The following ZDHHC21 variants were observed in gnomAD, a reference collection of about 807,000 sequenced individuals.
The protein encoded by ZDHHC21 is zDHHC palmitoyltransferase 21, also known as palmitoyltransferase ZDHHC21.
In ZDHHC21, 15 loss-of-function variants were observed where a neutral mutation model predicts 34.6. That is an observed-to-expected ratio of 0.43 (90% CI 0.29 to 0.67). The LOEUF is 0.67. Ranked by LOEUF, ZDHHC21 falls within the 30% of genes least tolerant of loss-of-function variation. ZDHHC21 has a pLI of 0.14. For missense variants in ZDHHC21, 344 were observed against 327.7 expected, an observed-to-expected ratio of 1.05 and a Z score of -0.38; for synonymous variants, 142 against 101.8, an observed-to-expected ratio of 1.40 and a Z score of -2.38.
chr9:14,651,820 A>G (rs539448282), intron 7 of ZDHHC21, among the ~76,000 whole-genome samples: 1 of 151,932 alleles, frequency 6.6e-6, no homozygotes, highest in African/African-American at 2.4e-5. Flanking sequence ...TAAAGTAACT[A>G]TGTGAAATAG....
chr9:14,624,123 T>G (rs546505345), intron 8 of ZDHHC21, among the ~76,000 whole-genome samples: 19 of 151,928 alleles, frequency 1.3e-4, no homozygotes, highest in Non-Finnish European at 2.2e-4. Context: ...ATAATATGAA[T>G]TAAAATAATA....
intron 8 of ZDHHC21, among the ~76,000 whole-genome samples, chr9:14,635,386 TAATC>T: frequency 6.6e-6 from 1 of 152,144 alleles, no homozygotes. Flanking sequence ...TGGCACATCA[TAATC>T]AAACTATCAA....
At position 14,660,135 on chromosome 9, in the gene ZDHHC21, G is replaced by C. The variant is rs936035856; in HGVS notation, c.366-1248C>G. Among the ~76,000 whole-genome samples, 2 of 152,188 alleles carry C rather than the reference G, an allele frequency of 1.3e-5. 1 individual carries two copies. Among genetic ancestry groups the C allele is most frequent in the Admixed American group, 1.3e-4 (2 of 15,290 alleles). ...AATCCCAGAACTTTGGGAGGCCGAG[G>C]GGAGCAGATCACCTGAGGTTGGGAG... On this transcript the variant is annotated intron_variant, in intron 6 of 9. Coordinates refer to ENST00000380916, the MANE Select transcript of ZDHHC21 (RefSeq NM_178566.6).
At chr9:14,681,038 A>C (rs1837285288) in intron 2 of ZDHHC21, among the ~76,000 whole-genome samples, 1 of 152,198 alleles carries the variant, frequency 6.6e-6, no homozygotes, top group Non-Finnish European at 1.5e-5. Context: ...AATCTGAGTA[A>C]ACTGAAATAA....
At chr9:14,591,711 T>G in the ZDHHC21 span, among the ~76,000 whole-genome samples, 2 of 152,068 alleles carry the variant, frequency 1.3e-5, no homozygotes, top group African/African-American at 2.4e-5. Flanking sequence ...TCATGAAAAC[T>G]ACAAGAAAAA....
At chr9:14,621,784 A>T (rs1398304050) in intron 8 of ZDHHC21, among the ~76,000 whole-genome samples, 3 of 152,248 alleles carry the variant, frequency 2.0e-5, no homozygotes, top group Admixed American at 1.3e-4. Context: ...CAGAAACAGC[A>T]AACTAGAAGA....
intron 8 of ZDHHC21, among the ~76,000 whole-genome samples, chr9:14,626,434 A>G (rs1826214451): frequency 6.6e-6 from 1 of 152,000 alleles, no homozygotes; most frequent in East Asian, 1.9e-4. Context: ...CATCTATTTA[A>G]TCACTCAAGC....
chr9:14,626,677 T>G (rs1826279803), intron 8 of ZDHHC21, among the ~76,000 whole-genome samples: 1 of 151,918 alleles, frequency 6.6e-6, no homozygotes, highest in African/African-American at 2.4e-5. Context: ...CATGTAAATA[T>G]GAAATATAAC....
At chr9:14,654,982 G>A (rs928730073) in intron 7 of ZDHHC21, among the ~76,000 whole-genome samples, 6 of 151,912 alleles carry the variant, frequency 3.9e-5, no homozygotes, top group African/African-American at 1.4e-4. Flanking sequence ...ACTTAAGAAT[G>A]ACATCAGGCC....
chr9:14,680,606 AAACAT>A lies in ZDHHC21; in HGVS notation c.-175-449_-175-445del, dbSNP rs751391283. Among the ~76,000 whole-genome samples the A allele has an allele frequency of 9.3e-4, 129 of 138,680 alleles. 1 individual carries two copies. Among genetic ancestry groups the A allele is most frequent in the Non-Finnish European group, 1.7e-3 (101 of 61,014 alleles). The allele number at this position is 138,680 out of a possible 152,430, so 91.0% of individuals were successfully genotyped here. On this transcript the variant is annotated intron_variant, in intron 2 of 9. Coordinates refer to ENST00000380916, the MANE Select transcript of ZDHHC21 (RefSeq NM_178566.6). ...CTGTAATGAAGCCATTAAGAGAGTC[AAACAT>A]AAGTCAGTTTCTACAATTCAAGCTT...
chr9:14,638,611 A>C (rs1043611325), intron 8 of ZDHHC21, among the ~76,000 whole-genome samples: 4 of 152,008 alleles, frequency 2.6e-5, no homozygotes, highest in African/African-American at 9.7e-5. Context: ...GAATGAGACA[A>C]AACACTTGAA....
At position 14,614,313 on chromosome 9, in the gene ZDHHC21, T is replaced by C. The variant is rs1209591828; in HGVS notation, c.*4653A>G. 1.0e-4 allele frequency: 15 copies of C among 149,606 alleles called. No homozygotes were observed. In the East Asian group the frequency reaches 3.0e-3, roughly 29 times the overall value. The allele number at this position is 149,606 out of a possible 1,614,324, so 9.3% of individuals were successfully genotyped here. ...CAGTAATATCAATGACTTTTTAAAA[T>C]ACCATTGTTATTTCTGTTTCAAATT... On this transcript the variant is annotated 3_prime_UTR_variant, in exon 10 of 10. Transcript: ENST00000380916.
chr9:14,618,701 T>C lies in ZDHHC21; in HGVS notation c.*265A>G, dbSNP rs1586871819. ...ATTATTTCATCCTAATCACTGCCTT[T>C]TGAGTTTAATAACAAAAGCATTTCA... On this transcript the variant is annotated 3_prime_UTR_variant, in exon 10 of 10. Transcript: ENST00000380916. The C allele has an allele frequency of 3.3e-6, 1 of 304,206 alleles. No individual in the cohort carries two copies. The highest frequency in any genetic ancestry group is 1.6e-4 in the South Asian group (1 of 6,356). 18.8% of individuals were successfully genotyped at this position (304,206 alleles called of 1,614,324 possible).
Position 14,658,822 on chromosome 9 carries a change from A to G in ZDHHC21, c.431T>C (p.Leu144Pro). Residue 144 changes from leucine (L) to proline (P), a missense_variant, in exon 7 of 10, where the codon CTT (leucine) becomes CCT (proline). Transcript: ENST00000380916. Reference protein sequence around the residue: ...LFLQLCFYTELLTCYALMFSF... With the variant: ...LFLQLCFYTEPLTCYALMFSF... ...AAACATCAGTGCGTAGCAAGTAAGA[A>G]GTTCAGTGTAGAAACACAACTGCAG... The G allele has an allele frequency of 6.2e-7, 1 of 1,613,884 alleles. No individual in the cohort carries two copies. Among genetic ancestry groups the G allele is most frequent in the Non-Finnish European group, 8.5e-7 (1 of 1,179,836 alleles).
In ZDHHC21 at chr9:14,618,860, G is replaced by T; in HGVS notation, c.*106C>A. The T allele has an allele frequency of 3.9e-6, 5 of 1,298,392 alleles. No individual in the cohort carries two copies. Among genetic ancestry groups the T allele is most frequent in the Non-Finnish European group, 5.1e-6 (5 of 982,412 alleles). The allele number at this position is 1,298,392 out of a possible 1,614,324, so 80.4% of individuals were successfully genotyped here. ...GGGGCACATTATGATGCCTAAGACT[G>T]GTGGGTGGATTTTAATTGACTTGAA... On this transcript the variant is annotated 3_prime_UTR_variant, in exon 10 of 10. Coordinates refer to ENST00000380916, the MANE Select transcript of ZDHHC21 (RefSeq NM_178566.6).
chr9:14,618,886 G>T lies in ZDHHC21; in HGVS notation c.*80C>A. 1 of 1,401,532 alleles carries T rather than the reference G, an allele frequency of 7.1e-7. No homozygotes were observed. The highest frequency in any genetic ancestry group is 1.8e-5 in the South Asian group (1 of 54,834). 86.8% of individuals were successfully genotyped at this position (1,401,532 alleles called of 1,614,324 possible). On this transcript the variant is annotated 3_prime_UTR_variant, in exon 10 of 10. Coordinates refer to ENST00000380916, the MANE Select transcript of ZDHHC21 (RefSeq NM_178566.6). Reference sequence around the variant, plus strand: ...GTGGGTGGATTTTAATTGACTTGAAGACTGTCATAGTTCTATTATCATAAA... The same window carrying T: ...GTGGGTGGATTTTAATTGACTTGAATACTGTCATAGTTCTATTATCATAAA...
intron 8 of ZDHHC21, among the ~76,000 whole-genome samples, chr9:14,638,583 T>A (rs139291355): frequency 2.0e-5 from 3 of 151,774 alleles, no homozygotes; most frequent in African/African-American, 7.3e-5. Context: ...AATCAACACA[T>A]TGAAGAGACA....
At chr9:14,681,730 G>GCTGTGT (rs1491523762) in intron 2 of ZDHHC21, among the ~76,000 whole-genome samples, 1 of 148,468 alleles carries the variant, frequency 6.7e-6, no homozygotes, top group Non-Finnish European at 1.5e-5. Flanking sequence ...TAAGGGGAAT[G>GCTGTGT]GTGTGTGTGT....
At chr9:14,676,053 C>A (rs57820482) in intron 3 of ZDHHC21, among the ~76,000 whole-genome samples, 321 of 152,022 alleles carry the variant, frequency 2.1e-3, no homozygotes, top group African/African-American at 7.5e-3. Context: ...AGACTGAATT[C>A]TTCGGCAATG....
Sources: allele counts gnomAD v4.1 joint callset (sites outside exome capture counted in the v4.1 genomes callset), GRCh38; gene constraint gnomAD v4.1.1; transcripts MANE v1.5; gene names NCBI Gene and HGNC (gene_info 2026-07-23, HGNC 2026-07-21).